The following FMN2 variants were observed in gnomAD, a reference collection of about 807,000 sequenced individuals.
FMN2 encodes the protein formin 2, also known as formin-2.
A neutral mutation model predicts 142.3 loss-of-function variants in FMN2; 51 were observed. That is an observed-to-expected ratio of 0.36 (90% CI 0.29 to 0.45). The LOEUF is 0.45. Ranked by LOEUF, FMN2 falls within the 20% of genes least tolerant of loss-of-function variation. FMN2 has a pLI of 1.00. For synonymous variants in FMN2, 882 were observed against 869.8 expected, an observed-to-expected ratio of 1.01 and a Z score of -0.25; for missense variants, 1,936 against 2,122.8, an observed-to-expected ratio of 0.91 and a Z score of 1.73.
At chr1:240,344,068 C>T (rs922980047) in intron 13 of FMN2, among the ~76,000 whole-genome samples, 1 of 152,180 alleles carries the variant, frequency 6.6e-6, no homozygotes, top group Non-Finnish European at 1.5e-5. Context: ...ACTCTAAATG[C>T]AATATCCAGC....
chr1:240,394,756 T>C (rs979076665), intron 15 of FMN2, among the ~76,000 whole-genome samples: 1 of 151,914 alleles, frequency 6.6e-6, no homozygotes, highest in Non-Finnish European at 1.5e-5. Context: ...TCACCTGAGG[T>C]CAGGACCTTG....
chr1:240,452,099 G>A (rs1259887823), intron 16 of FMN2, among the ~76,000 whole-genome samples: 2 of 151,986 alleles, frequency 1.3e-5, no homozygotes, highest in Non-Finnish European at 2.9e-5. Flanking sequence ...GCTGAGGCAG[G>A]AGAGTCACTT....
In FMN2 at chr1:240,431,100, T is replaced by C. The variant is rs1252099482; in HGVS notation, c.4911-6961T>C. On this transcript the variant is annotated intron_variant, in intron 15 of 17. Transcript: ENST00000319653. Reference sequence around the variant, plus strand: ...AGAATATATTATACCTTTACAGTTATTTCAGCTTTCTTTAAATTCTCTCAA... The same window carrying C: ...AGAATATATTATACCTTTACAGTTACTTCAGCTTTCTTTAAATTCTCTCAA... 2.0e-5 allele frequency among the ~76,000 whole-genome samples: 3 copies of C among 152,094 alleles called. No individual in the cohort carries two copies. The East Asian group carries it at 5.8e-4, about 29-fold the overall frequency.
intron 9 of FMN2, 72 bp downstream of exon 9, chr1:240,329,239 A>T (rs1183350388): frequency 1.2e-6 from 2 of 1,601,278 alleles, no homozygotes; most frequent in Non-Finnish European, 1.7e-6. Flanking sequence ...GAAAATGCAA[A>T]TGCGGTGTCT....
At chr1:240,160,486 A>G (rs1159884616) in intron 2 of FMN2, among the ~76,000 whole-genome samples, 1 of 149,236 alleles carries the variant, frequency 6.7e-6, no homozygotes, top group Non-Finnish European at 1.5e-5. Flanking sequence ...TATAATGTAT[A>G]TAATATATGT....
chr1:240,145,977 T>C (rs1484356681), intron 2 of FMN2, among the ~76,000 whole-genome samples: 1 of 152,138 alleles, frequency 6.6e-6, no homozygotes, highest in East Asian at 1.9e-4. Flanking sequence ...AATTAGCTGG[T>C]CTTTGAGGGT....
Position 240,463,202 on chromosome 1 carries a change from G to A in FMN2, c.5061-9170G>A, listed in dbSNP as rs941112423. On this transcript the variant is annotated intron_variant, in intron 16 of 17. Transcript: ENST00000319653. ...CATGGAGGCCAGTCTGCAGGGTATG[G>A]CACTGGTTCAGGGGACGTGAGAAGG... 6.6e-5 allele frequency among the ~76,000 whole-genome samples: 10 copies of A among 152,318 alleles called. No homozygotes were observed. In the East Asian group the frequency reaches 1.2e-3, roughly 18 times the overall value.
intron 15 of FMN2, among the ~76,000 whole-genome samples, chr1:240,426,903 T>A (rs556605688): frequency 6.6e-6 from 1 of 151,996 alleles, no homozygotes; most frequent in East Asian, 2.0e-4. Context: ...CATGCCCGGC[T>A]AATTTTTATA....
rs374796228 is a variant in FMN2 at position 240,264,058 on chromosome 1, T to G, written c.4153+6026T>G. On this transcript the variant is annotated intron_variant, in intron 7 of 17. Coordinates refer to ENST00000319653, the MANE Select transcript of FMN2 (RefSeq NM_020066.5). ...ATAAAATTGTAGTTATTTTTATGTT[T>G]TAATTTCTGAGCCTAATGATTGCTT... Among the ~76,000 whole-genome samples the G allele has an allele frequency of 2.6e-5, 4 of 152,332 alleles. No homozygotes were observed. The East Asian group carries it at 5.8e-4, about 22-fold the overall frequency.
chr1:240,295,189 T>TAC (rs67137806), intron 8 of FMN2, among the ~76,000 whole-genome samples: 4,752 of 144,130 alleles, frequency 0.033, 87 homozygotes, highest in African/African-American at 0.051. Flanking sequence ...GTGCACTTCA[T>TAC]ACACACACAC....
At chr1:240,443,752 CA>C (rs57610518) in intron 16 of FMN2, among the ~76,000 whole-genome samples, 13,021 of 147,536 alleles carry the variant, frequency 0.088, 770 homozygotes, top group East Asian at 0.32. Context: ...GACTCAGTCT[CA>C]AAAAAAAAAA....
At chr1:240,410,119 A>G (rs1042570786) in intron 15 of FMN2, among the ~76,000 whole-genome samples, 2 of 151,968 alleles carry the variant, frequency 1.3e-5, no homozygotes, top group Non-Finnish European at 1.5e-5. Context: ...AAAGTTAGTA[A>G]AAGATGAAAT....
chr1:240,366,272 A>C (rs1672667318), intron 14 of FMN2, among the ~76,000 whole-genome samples: 1 of 152,126 alleles, frequency 6.6e-6, no homozygotes, highest in Non-Finnish European at 1.5e-5. Context: ...TTCAGAAACA[A>C]CCACTATCCT....
intron 2 of FMN2, among the ~76,000 whole-genome samples, chr1:240,146,399 A>C (rs1349437403): frequency 1.4e-5 from 2 of 146,544 alleles, no homozygotes; most frequent in Non-Finnish European, 3.0e-5. Context: ...GTCTCAAAAA[A>C]AAAAAAAAAA....
At chr1:240,424,310 AG>A in intron 15 of FMN2, among the ~76,000 whole-genome samples, 1 of 152,216 alleles carries the variant, frequency 6.6e-6, no homozygotes, top group Non-Finnish European at 1.5e-5. Flanking sequence ...TTCTCTTGGC[AG>A]TAGCTACTGC....
intron 15 of FMN2, among the ~76,000 whole-genome samples, chr1:240,430,478 T>C (rs1675125774): frequency 6.6e-6 from 1 of 152,108 alleles, no homozygotes; most frequent in South Asian, 2.1e-4. Context: ...TATATTTAAA[T>C]GAAAGGAATT....
intron 2 of FMN2, among the ~76,000 whole-genome samples, chr1:240,167,925 G>A (rs897975086): frequency 1.3e-5 from 2 of 151,922 alleles, no homozygotes; most frequent in African/African-American, 4.8e-5. Context: ...ATAAATAATT[G>A]GCCAGGCATG....
At chr1:240,335,276 T>C (rs1209572119) in intron 13 of FMN2, among the ~76,000 whole-genome samples, 2 of 152,212 alleles carry the variant, frequency 1.3e-5, no homozygotes, top group African/African-American at 4.8e-5. Flanking sequence ...TCATTACATG[T>C]ACCCTGTTGG....
At position 240,091,978 on chromosome 1, in the gene FMN2, C is replaced by T. The variant is rs1660985975; in HGVS notation, c.-132C>T. On this transcript the variant is annotated 5_prime_UTR_variant, in exon 1 of 18. Coordinates refer to ENST00000319653, the MANE Select transcript of FMN2 (RefSeq NM_020066.5). ...CGGGGCCAGCCGGGCGCGCGTCGGC[C>T]TCCCCTCCCAGCGGCTCCCCCCGCC... 4 of 1,361,386 alleles carry T rather than the reference C, an allele frequency of 2.9e-6. No individual in the cohort carries two copies. In the South Asian group the frequency reaches 5.4e-5, roughly 18 times the overall value. 84.3% of individuals were successfully genotyped at this position (1,361,386 alleles called of 1,614,324 possible).
Sources: gnomAD v4.1 joint callset for allele counts (sites outside exome capture counted in the v4.1 genomes callset) on GRCh38, gnomAD v4.1.1 for gene constraint, MANE v1.5 for transcripts, NCBI Gene and HGNC (gene_info 2026-07-23, HGNC 2026-07-21) for gene names.